Variants in LDB2 observed in about 807,000 individuals in gnomAD.
LDB2 encodes LIM domain binding 2, also known as LIM domain-binding protein 2.
In LDB2, 12 loss-of-function variants were observed where a neutral mutation model predicts 44.3. The observed-to-expected ratio is 0.27, with a 90% CI of 0.17 to 0.44. The LOEUF is 0.44. Ranked by LOEUF, LDB2 falls within the 20% of genes least tolerant of loss-of-function variation. The pLI, the probability that LDB2 is intolerant of heterozygous loss-of-function variation, is 1.00. For missense variants in LDB2, 344 were observed against 473.5 expected (o/e 0.73, Z 2.54); for synonymous variants, 164 against 174.8 (o/e 0.94, Z 0.49).
intron 2 of LDB2, among the ~76,000 whole-genome samples, chr4:16,716,556 T>C (rs1178752133): frequency 1.3e-5 from 2 of 152,154 alleles, no homozygotes; most frequent in African/African-American, 4.8e-5. Flanking sequence ...TCGTCACCAA[T>C]GATCAGTGGT....
chr4:16,794,969 G>C (rs1179886310), intron 1 of LDB2, among the ~76,000 whole-genome samples: 1 of 152,230 alleles, frequency 6.6e-6, no homozygotes, highest in South Asian at 2.1e-4. Context: ...TAAACAGTGA[G>C]CGAAAATCCA....
chr4:16,631,003 C>A (rs1037557774), intron 2 of LDB2, among the ~76,000 whole-genome samples: 1 of 152,068 alleles, frequency 6.6e-6, no homozygotes, highest in Non-Finnish European at 1.5e-5. Context: ...ACTTTAACAC[C>A]CCACTGTCAA....
chr4:16,696,717 G>T (rs1227489520), intron 2 of LDB2, among the ~76,000 whole-genome samples: 1 of 152,192 alleles, frequency 6.6e-6, no homozygotes, highest in Non-Finnish European at 1.5e-5. Context: ...GTGAGCAAGA[G>T]TTTTTCTTAG....
At chr4:16,507,686 G>A (rs565939076) in intron 7 of LDB2, among the ~76,000 whole-genome samples, 1 of 152,240 alleles carries the variant, frequency 6.6e-6, no homozygotes, top group East Asian at 1.9e-4. Context: ...CAAACACCTG[G>A]TGATAGGGTG....
chr4:16,595,636 A>G (rs1720661162), intron 3 of LDB2, 67 bp downstream of exon 3: 12 of 1,454,608 alleles, frequency 8.2e-6, no homozygotes, highest in South Asian at 1.3e-5. Context: ...TAGGAAAACC[A>G]TAATTATTAT....
chr4:16,882,860 C>T (rs1007920955), intron 1 of LDB2, among the ~76,000 whole-genome samples: 4 of 152,148 alleles, frequency 2.6e-5, no homozygotes, highest in African/African-American at 7.2e-5. Context: ...CAGGCATTAA[C>T]AGTCTTTTCA....
At chr4:16,776,785 G>A (rs1185243041) in intron 1 of LDB2, among the ~76,000 whole-genome samples, 1 of 152,182 alleles carries the variant, frequency 6.6e-6, no homozygotes, top group African/African-American at 2.4e-5. Context: ...ATACGGGAGT[G>A]GGGAAGGAGA....
chr4:16,579,975 C>A (rs1247217232), intron 5 of LDB2, among the ~76,000 whole-genome samples: 3 of 152,252 alleles, frequency 2.0e-5, no homozygotes, highest in East Asian at 1.9e-4. Context: ...GGGAGAGGCT[C>A]CTACCCCAGC....
chr4:16,872,678 G>T (rs375830544), intron 1 of LDB2, among the ~76,000 whole-genome samples: 1 of 152,200 alleles, frequency 6.6e-6, no homozygotes, highest in African/African-American at 2.4e-5. Context: ...TTATAAGTCA[G>T]TGTAGGCAGG....
chr4:16,894,306 C>T lies in LDB2; in HGVS notation c.132+4048G>A, dbSNP rs563202314. Among the ~76,000 whole-genome samples the T allele has an allele frequency of 5.3e-5, 8 of 152,266 alleles. No homozygotes were observed. The East Asian group carries it at 1.5e-3, about 29-fold the overall frequency. On this transcript the variant is annotated intron_variant, in intron 1 of 7. Transcript: ENST00000304523. The stretch of plus-strand genomic sequence containing the variant: ...CACAACAGAAAATGTAAACTCCTTT[C>T]TGCTGCCTGGGAATTACAGTGAACA...
At chr4:16,731,379 T>C (rs905889065) in intron 2 of LDB2, among the ~76,000 whole-genome samples, 1 of 152,178 alleles carries the variant, frequency 6.6e-6, no homozygotes, top group Non-Finnish European at 1.5e-5. Context: ...ACCCTTGATG[T>C]GATGGTATTT....
At chr4:16,681,665 C>T (rs1290114833) in intron 2 of LDB2, among the ~76,000 whole-genome samples, 3 of 117,242 alleles carry the variant, frequency 2.6e-5, no homozygotes, top group Admixed American at 1.2e-4. Context: ...CTCGCTCTGT[C>T]ACCCAGGCTG....
intron 1 of LDB2, among the ~76,000 whole-genome samples, chr4:16,798,952 G>A (rs1370330980): frequency 6.6e-6 from 1 of 152,134 alleles, no homozygotes; most frequent in African/African-American, 2.4e-5. Flanking sequence ...CCGGGTTCAC[G>A]CCATTCTCCT....
At chr4:16,790,833 GA>G (rs954053124) in intron 1 of LDB2, among the ~76,000 whole-genome samples, 63 of 151,656 alleles carry the variant, frequency 4.2e-4, no homozygotes, top group Non-Finnish European at 8.3e-4. Flanking sequence ...GAACCAGAAA[GA>G]AAAAAAAATT....
chr4:16,856,021 T>C (rs889639265), intron 1 of LDB2, among the ~76,000 whole-genome samples: 3 of 152,200 alleles, frequency 2.0e-5, no homozygotes, highest in African/African-American at 7.2e-5. Flanking sequence ...AGAATATTTA[T>C]ATTTATCTCA....
chr4:16,807,127 A>G (rs2109809381), intron 1 of LDB2, among the ~76,000 whole-genome samples: 1 of 152,294 alleles, frequency 6.6e-6, no homozygotes, highest in East Asian at 1.9e-4. Flanking sequence ...ATTGCCTCTG[A>G]AAGCCAATCC....
At chr4:16,636,267 T>A (rs533349065) in intron 2 of LDB2, among the ~76,000 whole-genome samples, 43 of 152,300 alleles carry the variant, frequency 2.8e-4, no homozygotes, top group African/African-American at 1.0e-3. Context: ...CCAGTCCACT[T>A]GGGTGCATAA....
chr4:16,742,074 C>CTTTTTTTTTTTTTTTT (rs33990510), intron 2 of LDB2, among the ~76,000 whole-genome samples: 1 of 128,310 alleles, frequency 7.8e-6, no homozygotes, highest in African/African-American at 3.0e-5. Flanking sequence ...CTTTTCTTTT[C>CTTTTTTTTTTTTTTTT]TTTTTTTTTT....
chr4:16,811,943 AT>A (rs1779953004), intron 1 of LDB2, among the ~76,000 whole-genome samples: 1 of 152,048 alleles, frequency 6.6e-6, no homozygotes, highest in Non-Finnish European at 1.5e-5. Context: ...TTTTCCAAAT[AT>A]TTTTTTCCAT....
Sources: gnomAD v4.1 joint callset for allele counts (sites outside exome capture counted in the v4.1 genomes callset) on GRCh38, gnomAD v4.1.1 for gene constraint, MANE v1.5 for transcripts, NCBI Gene and HGNC (gene_info 2026-07-23, HGNC 2026-07-21) for gene names.